Variants in CCDC73 observed in about 807,000 individuals in gnomAD.
CCDC73 encodes coiled-coil domain-containing protein 73.
A neutral mutation model predicts 116.5 loss-of-function variants in CCDC73; 95 were observed. The observed-to-expected ratio is 0.82, with a 90% CI of 0.69 to 0.97. The LOEUF (loss-of-function observed/expected upper bound fraction) is 0.97. Ranked by LOEUF, CCDC73 falls within the 50% of genes least tolerant of loss-of-function variation. The pLI is 0.00. For missense variants in CCDC73, 1,066 were observed against 1,206.8 expected, an observed-to-expected ratio of 0.88 and a Z score of 1.73; for synonymous variants, 398 against 401.3, an observed-to-expected ratio of 0.99 and a Z score of 0.10.
chr11:32,749,815 C>T (rs1039556222), intron 2 of CCDC73, among the ~76,000 whole-genome samples: 4 of 151,922 alleles, frequency 2.6e-5, no homozygotes, highest in Non-Finnish European at 4.4e-5. Context: ...TGGATAAGAT[C>T]CAGAAGAATT....
At chr11:32,603,220 T>A (rs572770682) in intron 17 of CCDC73, 200 bp from the exon 18 acceptor site, 4 of 485,788 alleles carry the variant, frequency 8.2e-6, no homozygotes, top group African/African-American at 7.9e-5. Context: ...ATCTCTAATA[T>A]ATAACTGAAG....
chr11:32,777,915 C>T (rs1693323232), intron 1 of CCDC73, among the ~76,000 whole-genome samples: 2 of 152,142 alleles, frequency 1.3e-5, no homozygotes, highest in Non-Finnish European at 2.9e-5. Context: ...CAGAAATACA[C>T]TTTAAAGTGC....
At chr11:32,609,470 A>G (rs1228527274) in intron 17 of CCDC73, among the ~76,000 whole-genome samples, 2 of 152,132 alleles carry the variant, frequency 1.3e-5, no homozygotes, top group Non-Finnish European at 2.9e-5. Flanking sequence ...TTCATCGTCC[A>G]TATCATTGTC....
chr11:32,694,623 A>G (rs1348208841), intron 6 of CCDC73, among the ~76,000 whole-genome samples: 1 of 152,216 alleles, frequency 6.6e-6, no homozygotes, highest in African/African-American at 2.4e-5. Context: ...TATACTTTCT[A>G]TATTGTCCAG....
At position 32,614,017 on chromosome 11, in the gene CCDC73, T is replaced by C; in HGVS notation, c.2301A>G (p.Leu767=). 6.2e-7 allele frequency: 1 copy of C among 1,611,898 alleles called. No homozygotes were observed. Among genetic ancestry groups the C allele is most frequent in the South Asian group, 1.1e-5 (1 of 91,076 alleles). The change falls in exon 16 of 18, where the codon TTA becomes TTG. Residue 767 remains leucine (L), a synonymous_variant. Transcript: ENST00000335185. ...NSQFNNCLGY[L]ENTNVNISHL... ...GGGAAATGTTCACATTAGTGTTTTC[T>C]AAGTATCCCAAACAGTTATTAAATT...
At chr11:32,829,874 C>G in the CCDC73 span, 1 of 985,450 alleles carries the variant, frequency 1.0e-6, no homozygotes, top group Admixed American at 6.1e-5. Context: ...TAGGCCCGGC[C>G]CCCGGGAGGT....
At position 32,613,894 on chromosome 11, in the gene CCDC73, A is replaced by C. The variant is rs1276489329; in HGVS notation, c.2424T>G (p.Asn808Lys). 6.2e-7 allele frequency: 1 copy of C among 1,612,968 alleles called. No individual in the cohort carries two copies. Among genetic ancestry groups the C allele is most frequent in the African/African-American group, 1.3e-5 (1 of 74,924 alleles). Residue 808 changes from asparagine to lysine, a missense_variant, in exon 16 of 18, where the codon AAT (asparagine) becomes AAG (lysine). By Grantham distance (94) the Asn-to-Lys change is moderately conservative (BLOSUM62 0). Transcript: ENST00000335185. ...GATTCTCATCAATCTGATTCTTTTT[A>C]TTGGAAAACTCTGTTTCTGTGCAAG... Reference protein sequence around the residue: ...MKTCTETEFSNKKNQIDENQV... With the variant: ...MKTCTETEFSKKKNQIDENQV...
At chr11:32,680,893 C>T (rs1339360912) in intron 7 of CCDC73, 1 of 151,940 alleles carries the variant, frequency 6.6e-6, no homozygotes, top group East Asian at 1.9e-4. Flanking sequence ...TCTATGGCAT[C>T]TTTCTTAAGA....
intron 2 of CCDC73, among the ~76,000 whole-genome samples, chr11:32,728,116 A>G (rs950352154): frequency 4.6e-5 from 7 of 151,892 alleles, no homozygotes; most frequent in African/African-American, 1.7e-4. Context: ...GCCAGGCATG[A>G]TGGTGCCACC....
chr11:32,663,519 A>G (rs2133273679), intron 9 of CCDC73, among the ~76,000 whole-genome samples: 1 of 152,264 alleles, frequency 6.6e-6, no homozygotes, highest in Non-Finnish European at 1.5e-5. Flanking sequence ...GATTTTTTGC[A>G]CATTGATTTT....
intron 1 of CCDC73, among the ~76,000 whole-genome samples, chr11:32,775,167 G>C (rs1020100528): frequency 1.3e-5 from 2 of 152,204 alleles, no homozygotes; most frequent in African/African-American, 4.8e-5. Flanking sequence ...GGGAGCCAGT[G>C]TTGTCACTTT....
rs906678979 is a variant in CCDC73, at chr11:32,758,134, G to A, written c.135+1975C>T. On this transcript the variant is annotated intron_variant, in intron 2 of 17. Coordinates refer to ENST00000335185, the MANE Select transcript of CCDC73 (RefSeq NM_001008391.4). The stretch of plus-strand genomic sequence containing the variant: ...ACAGTCTTTTTCTAATGAAAGTAAG[G>A]GATTTTTTCCCCTTTTTAAGAAGAA... 7.1e-5 allele frequency: 13 copies of A among 182,812 alleles called. No individual in the cohort carries two copies. In the South Asian group the frequency reaches 8.6e-4, roughly 12 times the overall value. 11.3% of individuals were successfully genotyped at this position (182,812 alleles called of 1,614,324 possible). A position where few individuals can be genotyped will look rare whatever the true frequency, so the allele number is the denominator to read the frequency against.
chr11:32,763,958 T>C (rs1251451678), intron 1 of CCDC73, among the ~76,000 whole-genome samples: 4 of 152,104 alleles, frequency 2.6e-5, no homozygotes, highest in East Asian at 1.9e-4. Flanking sequence ...GAGAACTACA[T>C]GACGAATGCA....
rs1849850701 is a variant in CCDC73, at chr11:32,705,785, C to T, written c.208-2841G>A. Among the ~76,000 whole-genome samples the T allele has an allele frequency of 2.0e-5, 3 of 152,180 alleles. No individual in the cohort carries two copies. The South Asian group carries it at 6.2e-4, about 31-fold the overall frequency. On this transcript the variant is annotated intron_variant, in intron 3 of 17. Transcript: ENST00000335185. Reference sequence around the variant, plus strand: ...TACAGCTATTATCCCACAGCTCCTCCTCTATTCTTCCAACAGAGTTATATC... The same window carrying T: ...TACAGCTATTATCCCACAGCTCCTCTTCTATTCTTCCAACAGAGTTATATC...
chr11:32,787,330 C>T (rs1458791390), intron 1 of CCDC73, among the ~76,000 whole-genome samples: 2 of 152,128 alleles, frequency 1.3e-5, no homozygotes, highest in East Asian at 1.9e-4. Context: ...ACATGAGCCA[C>T]GTCCTTATTG....
intron 1 of CCDC73, among the ~76,000 whole-genome samples, chr11:32,773,125 T>C (rs982331552): frequency 3.9e-5 from 6 of 152,284 alleles, no homozygotes; most frequent in African/African-American, 1.4e-4. Context: ...TGCAACAACA[T>C]GGATGAACCT....
At chr11:32,731,235 C>A (rs141068141) in intron 2 of CCDC73, among the ~76,000 whole-genome samples, 1 of 152,176 alleles carries the variant, frequency 6.6e-6, no homozygotes, top group African/African-American at 2.4e-5. Context: ...GAGAGGCGCC[C>A]ACCACTGCTG....
At chr11:32,784,206 T>G (rs1850607507) in intron 1 of CCDC73, among the ~76,000 whole-genome samples, 1 of 151,994 alleles carries the variant, frequency 6.6e-6, no homozygotes, top group Admixed American at 6.6e-5. Context: ...GGTGCATGCC[T>G]GTAATCCCAG....
In CCDC73 at chr11:32,718,192, T is replaced by C. The variant is rs774275712; in HGVS notation, c.136-45A>G. 7 of 1,324,190 alleles carry C rather than the reference T, an allele frequency of 5.3e-6. No homozygotes were observed. The African/African-American group carries it at 7.4e-5, about 14-fold the overall frequency. The allele number at this position is 1,324,190 out of a possible 1,614,324, so 82.0% of individuals were successfully genotyped here. ...AAAAGTGCTATAAAAATAAAGACTT[T>C]AAAACTTCCAGTTTCAGCTCTTTCT... On this transcript the variant is annotated intron_variant, in intron 2 of 17. Coordinates refer to ENST00000335185, the MANE Select transcript of CCDC73 (RefSeq NM_001008391.4).
Sources: allele counts gnomAD v4.1 joint callset (sites outside exome capture counted in the v4.1 genomes callset), GRCh38; gene constraint gnomAD v4.1.1; transcripts MANE v1.5; gene names NCBI Gene and HGNC (gene_info 2026-07-23, HGNC 2026-07-21).